PPFIA2: variants seen among roughly 807,000 people sequenced by gnomAD.
PPFIA2 encodes PPFI scaffold protein A2, also known as liprin-alpha-2.
PPFIA2 carries 46 observed loss-of-function variants against 175.5 expected under a neutral mutation model. The ratio of observed to expected loss-of-function variants is 0.26; its 90% CI spans 0.21 to 0.34. The LOEUF is 0.34. Among genes scored for constraint, PPFIA2 ranks in the 10% least tolerant of loss-of-function variants. PPFIA2 has a pLI of 1.00. For missense variants in PPFIA2, 1,179 were observed against 1,506.1 expected, an observed-to-expected ratio of 0.78 and a Z score of 3.60; for synonymous variants, 568 against 511.4, an observed-to-expected ratio of 1.11 and a Z score of -1.49.
intron 3 of PPFIA2, among the ~76,000 whole-genome samples, chr12:81,715,530 C>T (rs957992395): frequency 6.6e-6 from 1 of 151,648 alleles, no homozygotes; most frequent in African/African-American, 2.4e-5. Context: ...TCAAGCTTTA[C>T]GTGCTTTTTC....
At chr12:81,396,166 G>A (rs1414878986) in intron 8 of PPFIA2, among the ~76,000 whole-genome samples, 1 of 151,970 alleles carries the variant, frequency 6.6e-6, no homozygotes, top group Non-Finnish European at 1.5e-5. Context: ...CATTAAAACA[G>A]TGTGATATTT....
chr12:81,477,449 C>T (rs1249358800), intron 4 of PPFIA2, among the ~76,000 whole-genome samples: 3 of 151,992 alleles, frequency 2.0e-5, no homozygotes, highest in African/African-American at 7.2e-5. Context: ...AAAGTGATGG[C>T]CATGTGTGAA....
rs569068332 is a variant in PPFIA2, at chr12:81,390,965, ATATT to A, written c.763-6725_763-6722del. On this transcript the variant is annotated intron_variant, in intron 8 of 32. Coordinates refer to ENST00000549396, the MANE Select transcript of PPFIA2 (RefSeq NM_003625.5). ...TCTCATATGTTAAATTTTAAAATATATATTTATATTTACTCATTCATCAATATTT... is the reference window on the plus strand; with the variant it reads ...TCTCATATGTTAAATTTTAAAATATATATATTTACTCATTCATCAATATTT... 5.0e-3 allele frequency among the ~76,000 whole-genome samples: 763 copies of A among 151,926 alleles called. 3 individuals are homozygous for A. Among genetic ancestry groups the A allele is most frequent in the Non-Finnish European group, 8.7e-3 (592 of 67,876 alleles).
chr12:81,668,038 G>C (rs1481357075), intron 4 of PPFIA2, among the ~76,000 whole-genome samples: 1 of 152,034 alleles, frequency 6.6e-6, no homozygotes, highest in African/African-American at 2.4e-5. Flanking sequence ...ACTCATTAGA[G>C]GATTCTTTGG....
chr12:81,485,785 G>A (rs2058742316), intron 4 of PPFIA2, among the ~76,000 whole-genome samples: 1 of 151,720 alleles, frequency 6.6e-6, no homozygotes, highest in Non-Finnish European at 1.5e-5. Flanking sequence ...AAATATGAAA[G>A]TCTGAAACTG....
chr12:81,541,358 C>T (rs1398347756), intron 4 of PPFIA2, among the ~76,000 whole-genome samples: 1 of 151,960 alleles, frequency 6.6e-6, no homozygotes, highest in Non-Finnish European at 1.5e-5. Context: ...TCCTCCTCAA[C>T]AGCTGTCCCT....
At chr12:81,662,284 C>T (rs531728078) in intron 4 of PPFIA2, among the ~76,000 whole-genome samples, 48 of 152,220 alleles carry the variant, frequency 3.2e-4, no homozygotes, top group Non-Finnish European at 4.3e-4. Flanking sequence ...AAGAGATCAA[C>T]AAAGTCGATA....
At chr12:81,519,118 C>A (rs536773013) in intron 4 of PPFIA2, among the ~76,000 whole-genome samples, 2 of 152,218 alleles carry the variant, frequency 1.3e-5, no homozygotes, top group South Asian at 2.1e-4. Context: ...CCTCCTAAAT[C>A]TCCTACCTTT....
intron 4 of PPFIA2, among the ~76,000 whole-genome samples, chr12:81,668,386 C>A (rs1294005382): frequency 6.6e-6 from 1 of 152,032 alleles, no homozygotes; most frequent in African/African-American, 2.4e-5. Context: ...TTCTACCTCC[C>A]AAATTTACTG....
intron 4 of PPFIA2, among the ~76,000 whole-genome samples, chr12:81,570,320 T>C (rs2072265127): frequency 6.6e-6 from 1 of 152,192 alleles, no homozygotes; most frequent in African/African-American, 2.4e-5. Flanking sequence ...TCAAAATTCA[T>C]TGGCCCCATT....
At chr12:81,298,972 C>A (rs566371481) in intron 23 of PPFIA2, among the ~76,000 whole-genome samples, 1 of 152,222 alleles carries the variant, frequency 6.6e-6, no homozygotes, top group East Asian at 1.9e-4. Context: ...TCTCTGTAAC[C>A]TGCTAATGAG....
intron 4 of PPFIA2, among the ~76,000 whole-genome samples, chr12:81,579,067 A>C (rs1275061311): frequency 6.6e-6 from 1 of 151,870 alleles, no homozygotes; most frequent in Non-Finnish European, 1.5e-5. Flanking sequence ...TCATGAGACA[A>C]GTTATTAGTG....
At chr12:81,619,982 AC>A (rs2061851437) in intron 4 of PPFIA2, among the ~76,000 whole-genome samples, 1 of 151,802 alleles carries the variant, frequency 6.6e-6, no homozygotes, top group Non-Finnish European at 1.5e-5. Flanking sequence ...AGGCAGTGAA[AC>A]CCCGTCTCTA....
intron 31 of PPFIA2, among the ~76,000 whole-genome samples, chr12:81,262,536 C>G (rs2035953522): frequency 6.6e-6 from 1 of 152,108 alleles, no homozygotes; most frequent in Non-Finnish European, 1.5e-5. Flanking sequence ...AATAATGATG[C>G]TAGGTGATTA....
intron 3 of PPFIA2, among the ~76,000 whole-genome samples, chr12:81,698,187 CTA>C (rs1237292640): frequency 4.6e-5 from 7 of 152,072 alleles, no homozygotes; most frequent in Non-Finnish European, 1.0e-4. Context: ...TGTAGAATTG[CTA>C]TGAGTTGAAT....
chr12:81,698,524 C>CTG (rs1184567073), intron 3 of PPFIA2, among the ~76,000 whole-genome samples: 1 of 152,042 alleles, frequency 6.6e-6, no homozygotes, highest in Non-Finnish European at 1.5e-5. Context: ...CTGTGTTATG[C>CTG]TGTTATCACA....
rs899503270 is a variant in PPFIA2, at chr12:81,748,570, A to G, written c.249+5403T>C. ...TGAATGGCCCCAGTTGGCTCAGCCAAGGCTGTCCTGGATCAGAATCAGACA... is the reference window on the plus strand; with the variant it reads ...TGAATGGCCCCAGTTGGCTCAGCCAGGGCTGTCCTGGATCAGAATCAGACA... On this transcript the variant is annotated intron_variant, in intron 3 of 32. Transcript: ENST00000549396. 2.1e-5 allele frequency among the ~76,000 whole-genome samples: 3 copies of G among 144,688 alleles called. 1 individual carries two copies. The highest frequency in any genetic ancestry group is 4.7e-5 in the Non-Finnish European group (3 of 64,478). The allele number at this position is 144,688 out of a possible 152,430, so 94.9% of individuals were successfully genotyped here. A position where few individuals can be genotyped will look rare whatever the true frequency, so the allele number is the denominator to read the frequency against.
intron 4 of PPFIA2, among the ~76,000 whole-genome samples, chr12:81,550,323 A>G (rs1190775362): frequency 6.6e-6 from 1 of 152,040 alleles, no homozygotes; most frequent in African/African-American, 2.4e-5. Context: ...CAGAATGAAT[A>G]AGAATTTGCT....
chr12:81,508,186 G>A (rs1228658542), intron 4 of PPFIA2, among the ~76,000 whole-genome samples: 2 of 151,910 alleles, frequency 1.3e-5, no homozygotes, highest in Admixed American at 6.6e-5. Flanking sequence ...TATATTCCTC[G>A]TGTATTATCT....
Sources: gnomAD v4.1 joint callset for allele counts (sites outside exome capture counted in the v4.1 genomes callset) on GRCh38, gnomAD v4.1.1 for gene constraint, MANE v1.5 for transcripts, NCBI Gene and HGNC (gene_info 2026-07-23, HGNC 2026-07-21) for gene names.